IQANK1: variants seen among roughly 807,000 people sequenced by gnomAD.
IQANK1 encodes IQ motif and ankyrin repeat containing 1, also known as IQ motif and ankyrin repeat domain-containing protein 1.
In IQANK1, 30 loss-of-function variants were observed where a neutral mutation model predicts 22.6. The ratio of observed to expected loss-of-function variants is 1.33; its 90% CI spans 0.99 to 1.80. IQANK1 has a LOEUF of 1.80. Among genes scored for constraint, IQANK1 ranks in the 40% most tolerant of loss-of-function variants. The pLI, the probability that IQANK1 is intolerant of heterozygous loss-of-function variation, is 0.00. For missense variants in IQANK1, 275 were observed against 235.2 expected, an observed-to-expected ratio of 1.17 and a Z score of -1.11; for synonymous variants, 122 against 99.6, an observed-to-expected ratio of 1.23 and a Z score of -1.34.
At chr8:143,742,019 A>G (rs1467770555) in intron 3 of IQANK1, 4 of 246,218 alleles carry the variant, frequency 1.6e-5, no homozygotes, top group African/African-American at 8.8e-5. Context: ...GCTGACGTCC[A>G]TGGTGCAGTC....
chr8:143,788,761 A>T (rs1587497591), intron 7 of IQANK1, among the ~76,000 whole-genome samples, 154 bp from the exon 8 acceptor site: 1 of 152,166 alleles, frequency 6.6e-6, no homozygotes. Context: ...ACAGGGGCTC[A>T]TGCTTTGGGG....
chr8:143,749,167 AATAT>A (rs1181757367), intron 3 of IQANK1, among the ~76,000 whole-genome samples: 8 of 103,462 alleles, frequency 7.7e-5, no homozygotes, highest in African/African-American at 5.9e-4. Context: ...TGTATATATC[AATAT>A]ATATAATATA....
intron 7 of IQANK1, among the ~76,000 whole-genome samples, chr8:143,778,361 G>C (rs1819731314): frequency 6.6e-6 from 1 of 152,146 alleles, no homozygotes; most frequent in Non-Finnish European, 1.5e-5. Flanking sequence ...TGAAGTAACT[G>C]TATTAACATC....
In IQANK1 at chr8:143,771,844, G is replaced by A; in HGVS notation, c.350G>A (p.Arg117Gln). ...CGCCGGGAGCAGGAGGCCGCGCGGC[G>A]GCTGCGCGAGCAGGAGGAGGCGGCG... ...PVRREQEAAR[R>Q]LREQEEAAQR... The change falls in exon 5 of 14, where the codon CGG becomes CAG. Residue 117 changes from arginine to glutamine, a missense_variant. By Grantham distance (43) the Arg-to-Gln change is conservative. Coordinates refer to ENST00000527139, the MANE Select transcript of IQANK1 (RefSeq NM_001381874.1). The surrounding 1 kb of genome is among the most constrained non-coding windows in gnomAD (Gnocchi z 6.0). 2.5e-6 allele frequency: 1 copy of A among 395,530 alleles called. No individual in the cohort carries two copies. 24.5% of individuals were successfully genotyped at this position (395,530 alleles called of 1,614,324 possible).
Position 143,783,472 on chromosome 8 carries a change from A to G in IQANK1, c.790-5443A>G, listed in dbSNP as rs138493795. Among the ~76,000 whole-genome samples, 1,282 of 152,204 alleles carry G rather than the reference A, an allele frequency of 8.4e-3. 13 individuals carry two copies. The highest frequency in any genetic ancestry group is 0.017 in the Admixed American group (266 of 15,284). Reference sequence around the variant, plus strand: ...TTATTGCTCTGTGGACCTTATTTATATATTCTAGATCAAACTCCTTATCAA... The same window carrying G: ...TTATTGCTCTGTGGACCTTATTTATGTATTCTAGATCAAACTCCTTATCAA... On this transcript the variant is annotated intron_variant, in intron 7 of 13. Coordinates refer to ENST00000527139, the MANE Select transcript of IQANK1 (RefSeq NM_001381874.1).
chr8:143,772,343 G>A lies in IQANK1; in HGVS notation c.664-14G>A. ...GGCAAGGCCTGGATCTTGCTCGGGGGGCCCGTCTTGCAGGGCGCTTTCGGT... is the reference window on the plus strand; with the variant it reads ...GGCAAGGCCTGGATCTTGCTCGGGGAGCCCGTCTTGCAGGGCGCTTTCGGT... On this transcript the variant is annotated splice_polypyrimidine_tract_variant and intron_variant, in intron 6 of 13. Coordinates refer to ENST00000527139, the MANE Select transcript of IQANK1 (RefSeq NM_001381874.1). 2.5e-6 allele frequency: 1 copy of A among 398,942 alleles called. No homozygotes were observed. The highest frequency in any genetic ancestry group is 4.4e-6 in the Non-Finnish European group (1 of 226,054). The allele number at this position is 398,942 out of a possible 1,614,324, so 24.7% of individuals were successfully genotyped here. A position where few individuals can be genotyped will look rare whatever the true frequency, so the allele number is the denominator to read the frequency against.
At chr8:143,741,297 C>T (rs1818907258) in intron 3 of IQANK1, among the ~76,000 whole-genome samples, 1 of 152,228 alleles carries the variant, frequency 6.6e-6, no homozygotes, top group Admixed American at 6.5e-5. Flanking sequence ...GACCAGGGAG[C>T]TCCATCTTGT....
intron 3 of IQANK1, chr8:143,759,038 C>A: frequency 4.4e-6 from 1 of 224,866 alleles, no homozygotes; most frequent in South Asian, 6.2e-5. Flanking sequence ...GGGTCCCAAT[C>A]GGTGGGATGA....
chr8:143,739,778 C>G (rs1340302140), intron 2 of IQANK1, 81 bp from the exon 3 acceptor site: 1 of 604,804 alleles, frequency 1.7e-6, no homozygotes, highest in South Asian at 1.9e-5. Flanking sequence ...ACGGCCCTTT[C>G]GGTGCCCCAT....
Position 143,743,445 on chromosome 8 carries a change from C to T in IQANK1, c.175+3497C>T, listed in dbSNP as rs1346245213. On this transcript the variant is annotated intron_variant, in intron 3 of 13. Transcript: ENST00000527139. ...TATGGGTTTTTCTCCATCTTTTTTTCGTCTTTACAATTTTTGTTCTCAAGG... is the reference window on the plus strand; with the variant it reads ...TATGGGTTTTTCTCCATCTTTTTTTTGTCTTTACAATTTTTGTTCTCAAGG... 6.6e-5 allele frequency among the ~76,000 whole-genome samples: 10 copies of T among 152,184 alleles called. No individual in the cohort carries two copies. In the South Asian group the frequency reaches 1.0e-3, roughly 16 times the overall value.
rs201610376 is a variant in IQANK1 at position 143,767,345 on chromosome 8, A to AGTGT, written c.176-4130_176-4127dup. Among the ~76,000 whole-genome samples the AGTGT allele has an allele frequency of 1.0e-3, 154 of 151,496 alleles. 1 individual carries two copies. In the East Asian group the frequency reaches 0.024, roughly 24 times the overall value. On this transcript the variant is annotated intron_variant, in intron 3 of 13. Coordinates refer to ENST00000527139, the MANE Select transcript of IQANK1 (RefSeq NM_001381874.1). ...TAGTGCTCTTCAGAAATGTTTTATG[A>AGTGT]GTGTGTGTGTGTGTGTTTGCTCATG...
At chr8:143,764,558 C>T (rs1554629080) in intron 3 of IQANK1, among the ~76,000 whole-genome samples, 1 of 151,746 alleles carries the variant, frequency 6.6e-6, no homozygotes, top group Non-Finnish European at 1.5e-5. Flanking sequence ...GCCGTGATGG[C>T]GTCACTGCAC....
At chr8:143,776,811 A>G (rs555297361) in intron 7 of IQANK1, among the ~76,000 whole-genome samples, 1 of 152,232 alleles carries the variant, frequency 6.6e-6, no homozygotes, top group East Asian at 1.9e-4. Flanking sequence ...GAAACGGCTC[A>G]AGGCTGGGGA....
At chr8:143,783,707 GCCATCATC>G (rs1430271378) in intron 7 of IQANK1, among the ~76,000 whole-genome samples, 12 of 152,282 alleles carry the variant, frequency 7.9e-5, no homozygotes, top group African/African-American at 2.9e-4. Flanking sequence ...CACATTTAGA[GCCATCATC>G]CACTAGAATA....
chr8:143,755,746 C>G (rs543142944), intron 3 of IQANK1, among the ~76,000 whole-genome samples: 1 of 152,190 alleles, frequency 6.6e-6, no homozygotes, highest in Non-Finnish European at 1.5e-5. Flanking sequence ...ATCCATTCCT[C>G]CAGTGAGGAC....
At position 143,789,002 on chromosome 8, in the gene IQANK1, C is replaced by A; in HGVS notation, c.877C>A (p.Gln293Lys). Reference sequence around the variant, plus strand: ...CATGCTCCAGAACATGGAGGCTGAGCAGCAGCGCCGGGCCCAGGAGGCCCA... The same window carrying A: ...CATGCTCCAGAACATGGAGGCTGAGAAGCAGCGCCGGGCCCAGGAGGCCCA... ...EAMLQNMEAE[Q>K]QRRAQEAQRH... is the part of the protein sequence containing the mutation. The change falls in exon 8 of 14, where the codon CAG becomes AAG. Residue 293 changes from glutamine to lysine, a missense_variant. By Grantham distance (53) the Gln-to-Lys change is moderately conservative (BLOSUM62 1). Coordinates refer to ENST00000527139, the MANE Select transcript of IQANK1 (RefSeq NM_001381874.1). The A allele has an allele frequency of 2.5e-6, 1 of 399,900 alleles. No homozygotes were observed. The highest frequency in any genetic ancestry group is 4.4e-6 in the Non-Finnish European group (1 of 226,778). 24.8% of individuals were successfully genotyped at this position (399,900 alleles called of 1,614,324 possible). A position where few individuals can be genotyped will look rare whatever the true frequency, so the allele number is the denominator to read the frequency against.
chr8:143,789,818 G>A lies in IQANK1; in HGVS notation c.1144G>A (p.Glu382Lys), dbSNP rs1433498426. The change falls in exon 11 of 14, where the codon GAG becomes AAG. Residue 382 changes from glutamate (E) to lysine (K), a missense_variant. By Grantham distance (56) the Glu-to-Lys change is moderately conservative. Transcript: ENST00000527139. The stretch of plus-strand genomic sequence containing the variant: ...GCTGCGGCAGGAGGCCCAGAAGGCC[G>A]AGGAGGCGCTGGCTATGGCCAGGCT... ...DRLRQEAQKA[E>K]EALAMARLEL... The A allele has an allele frequency of 1.1e-4, 138 of 1,232,186 alleles. No individual in the cohort carries two copies. Among genetic ancestry groups the A allele is most frequent in the East Asian group, 1.6e-4 (5 of 31,706 alleles). 76.3% of individuals were successfully genotyped at this position (1,232,186 alleles called of 1,614,324 possible).
intron 3 of IQANK1, among the ~76,000 whole-genome samples, chr8:143,762,971 C>T (rs375061161): frequency 2.7e-5 from 4 of 149,720 alleles, no homozygotes; most frequent in Admixed American, 2.0e-4. Flanking sequence ...TCTTTTCTTT[C>T]CTTTCCTTTC....
intron 3 of IQANK1, among the ~76,000 whole-genome samples, chr8:143,765,660 TTTTTCAC>T (rs1454113360): frequency 1.3e-5 from 2 of 152,182 alleles, no homozygotes; most frequent in African/African-American, 4.8e-5. Flanking sequence ...ATTTATATGG[TTTTTCAC>T]TTTTGGTATG....
Sources: allele counts gnomAD v4.1 joint callset (sites outside exome capture counted in the v4.1 genomes callset), GRCh38; gene constraint gnomAD v4.1.1; non-coding constraint Gnocchi (gnomAD v3.1); transcripts MANE v1.5; gene names NCBI Gene and HGNC (gene_info 2026-07-23, HGNC 2026-07-21).